The following GABBR2 variants were observed in gnomAD, a reference collection of about 807,000 sequenced individuals.
The protein encoded by GABBR2 is gamma-aminobutyric acid type B receptor subunit 2, also known as G-protein coupled receptor 51.
A neutral mutation model predicts 105.6 loss-of-function variants in GABBR2; 23 were observed. The observed-to-expected ratio is 0.22, with a 90% confidence interval of 0.16 to 0.31. The LOEUF (loss-of-function observed/expected upper bound fraction) is 0.31. Ranked by LOEUF, GABBR2 falls within the 10% of genes least tolerant of loss-of-function variation. The pLI is 1.00. For synonymous variants in GABBR2, 478 were observed against 499.7 expected, an observed-to-expected ratio of 0.96 and a Z score of 0.58; for missense variants, 734 against 1,245.5, an observed-to-expected ratio of 0.59 and a Z score of 6.18.
At chr9:98,628,102 T>C (rs548866048) in intron 1 of GABBR2, among the ~76,000 whole-genome samples, 52 of 152,350 alleles carry the variant, frequency 3.4e-4, no homozygotes, top group African/African-American at 1.1e-3. Context: ...CAAGTAGCAA[T>C]TGAAAAGTTA....
At chr9:98,354,463 T>C (rs1240206031) in intron 13 of GABBR2, among the ~76,000 whole-genome samples, 3 of 152,250 alleles carry the variant, frequency 2.0e-5, no homozygotes, top group East Asian at 1.9e-4. Context: ...TTCATCTCCA[T>C]TGAAAATGTG....
intron 5 of GABBR2, among the ~76,000 whole-genome samples, chr9:98,474,465 A>C (rs976849382): frequency 6.6e-6 from 1 of 152,166 alleles, no homozygotes; most frequent in African/African-American, 2.4e-5. Flanking sequence ...GTGGTCATGT[A>C]CCCGTAAGTA....
intron 1 of GABBR2, among the ~76,000 whole-genome samples, chr9:98,692,410 T>G (rs1262182065): frequency 6.6e-6 from 1 of 152,206 alleles, no homozygotes; most frequent in Non-Finnish European, 1.5e-5. Context: ...TTTCTTGAAG[T>G]GCTTAGGAGG....
At chr9:98,602,557 C>T (rs1208066150) in intron 1 of GABBR2, among the ~76,000 whole-genome samples, 1 of 151,994 alleles carries the variant, frequency 6.6e-6, no homozygotes, top group Non-Finnish European at 1.5e-5. Context: ...TCCCAAAGTG[C>T]TGGGATTACA....
intron 6 of GABBR2, among the ~76,000 whole-genome samples, chr9:98,471,599 C>T (rs1826684649): frequency 6.6e-6 from 1 of 152,202 alleles, no homozygotes; most frequent in Non-Finnish European, 1.5e-5. Flanking sequence ...CGAGGGAGGT[C>T]CTTCCTGTAG....
chr9:98,592,231 C>T (rs1222498160), intron 1 of GABBR2, among the ~76,000 whole-genome samples: 3 of 152,168 alleles, frequency 2.0e-5, no homozygotes, highest in Admixed American at 6.5e-5. Context: ...GAGGAGAGAA[C>T]CAGATACCTG....
intron 1 of GABBR2, among the ~76,000 whole-genome samples, chr9:98,686,343 C>T (rs889399738): frequency 2.6e-5 from 4 of 152,236 alleles, no homozygotes; most frequent in Admixed American, 2.0e-4. Flanking sequence ...GTTCTATCTG[C>T]ACTGGGGTCT....
chr9:98,533,069 T>C (rs1828099750), intron 3 of GABBR2, among the ~76,000 whole-genome samples: 2 of 152,172 alleles, frequency 1.3e-5, no homozygotes. Flanking sequence ...AGTTAAGAAA[T>C]GATGGCATGA....
intron 8 of GABBR2, among the ~76,000 whole-genome samples, chr9:98,402,850 T>C (rs1467289942): frequency 2.0e-5 from 3 of 152,074 alleles, no homozygotes; most frequent in African/African-American, 7.2e-5. Context: ...CAATAATCCA[T>C]CCTGGTAGAT....
rs1588099473 is a variant in GABBR2 at position 98,320,459 on chromosome 9, C to G, written c.1894-9254G>C. On this transcript the variant is annotated intron_variant, in intron 13 of 18. Transcript: ENST00000259455. ...TCTAGAACTAGAAATACCATTTGAC[C>G]CAGCCATCCCATTACTGGGTATATA... Among the ~76,000 whole-genome samples, 8 of 152,014 alleles carry G rather than the reference C, an allele frequency of 5.3e-5. No homozygotes were observed. In the South Asian group the frequency reaches 1.7e-3, roughly 32 times the overall value.
intron 1 of GABBR2, among the ~76,000 whole-genome samples, chr9:98,666,868 G>C (rs1830341757): frequency 6.6e-6 from 1 of 152,168 alleles, no homozygotes; most frequent in South Asian, 2.1e-4. Context: ...GACCAGAAGA[G>C]GAGCCACTGC....
At position 98,306,332 on chromosome 9, in the gene GABBR2, A is replaced by AAACAACCG; in HGVS notation, c.2010_2017dup (p.Phe673SerfsTer5). 6.2e-7 allele frequency: 1 copy of AAACAACCG among 1,613,214 alleles called. No homozygotes were observed. The highest frequency in any genetic ancestry group is 8.5e-7 in the Non-Finnish European group (1 of 1,179,210). ...GACGTTGCGGGTCTCCCAAGCTAAG[A>AAACAACCG]AACAACCGAACAACTGAAATGGTGA... On this transcript the variant is annotated frameshift_variant, in exon 15 of 19. Transcript: ENST00000259455. LOFTEE classifies it high-confidence loss of function. This position sits in a 1 kb window ranked among gnomAD's most constrained non-coding sequence, Gnocchi z 5.4.
chr9:98,306,836 G>C lies in GABBR2; in HGVS notation c.2005-491C>G, dbSNP rs185943809. On this transcript the variant is annotated intron_variant, in intron 14 of 18. Coordinates refer to ENST00000259455, the MANE Select transcript of GABBR2 (RefSeq NM_005458.8). This position sits in a 1 kb window ranked among gnomAD's most constrained non-coding sequence, Gnocchi z 5.4. The stretch of plus-strand genomic sequence containing the variant: ...CTTCTATTGTCCCCAAGCACACACA[G>C]ACACCCAGAATAGCGACTACATTTT... Among the ~76,000 whole-genome samples the C allele has an allele frequency of 2.6e-5, 4 of 152,304 alleles. No individual in the cohort carries two copies. Among genetic ancestry groups the C allele is most frequent in the East Asian group, 1.9e-4 (1 of 5,188 alleles).
intron 7 of GABBR2, among the ~76,000 whole-genome samples, chr9:98,414,763 A>G (rs1832657046): frequency 6.6e-6 from 1 of 151,964 alleles, no homozygotes; most frequent in African/African-American, 2.4e-5. Context: ...GGTGGGAGGG[A>G]CATGGTACTC....
At chr9:98,498,856 G>C (rs1827340280) in intron 3 of GABBR2, among the ~76,000 whole-genome samples, 2 of 152,246 alleles carry the variant, frequency 1.3e-5, no homozygotes, top group African/African-American at 4.8e-5. Context: ...GTTTTGAGCA[G>C]CACGAGGTGT....
chr9:98,529,958 T>G (rs576876299), intron 3 of GABBR2, among the ~76,000 whole-genome samples: 1 of 152,328 alleles, frequency 6.6e-6, no homozygotes, highest in African/African-American at 2.4e-5. Flanking sequence ...CTCTTTGCTG[T>G]TTCCTGAAGG....
At chr9:98,324,158 C>T (rs139749922) in intron 13 of GABBR2, among the ~76,000 whole-genome samples, 307 of 152,298 alleles carry the variant, frequency 2.0e-3, no homozygotes, top group Admixed American at 3.1e-3. Flanking sequence ...GTTTTTCATG[C>T]TCCTCCCTGG....
intron 13 of GABBR2, among the ~76,000 whole-genome samples, chr9:98,326,930 G>A (rs555435571): frequency 6.6e-6 from 1 of 152,332 alleles, no homozygotes; most frequent in South Asian, 2.1e-4. Flanking sequence ...ACTTGCTCAG[G>A]GTCATAGAGC....
At chr9:98,504,443 C>T (rs1827465335) in intron 3 of GABBR2, among the ~76,000 whole-genome samples, 1 of 152,178 alleles carries the variant, frequency 6.6e-6, no homozygotes, top group African/African-American at 2.4e-5. Context: ...ACTGCACCAG[C>T]AGAGGAACCA....
Sources: gnomAD v4.1 joint callset for allele counts (sites outside exome capture counted in the v4.1 genomes callset) on GRCh38, gnomAD v4.1.1 for gene constraint, Gnocchi (gnomAD v3.1) non-coding constraint, MANE v1.5 for transcripts, NCBI Gene and HGNC (gene_info 2026-07-23, HGNC 2026-07-21) for gene names.